ESR1: variants seen among roughly 807,000 people sequenced by gnomAD.
The protein encoded by ESR1 is estrogen receptor 1, also known as estrogen receptor.
ESR1 carries 12 observed loss-of-function variants against 52.7 expected under a neutral mutation model. That is an observed-to-expected ratio of 0.23 (90% CI 0.15 to 0.37). ESR1 has a LOEUF of 0.37. ESR1 is among the 10% of genes least tolerant of loss of function. ESR1 has a pLI of 1.00. For missense variants in ESR1, 584 were observed against 779.7 expected, an observed-to-expected ratio of 0.75 and a Z score of 2.99; for synonymous variants, 305 against 316.8, an observed-to-expected ratio of 0.96 and a Z score of 0.39.
chr6:152,028,956 G>A (rs561135943), intron 5 of ESR1, among the ~76,000 whole-genome samples: 1 of 152,278 alleles, frequency 6.6e-6, no homozygotes, highest in African/African-American at 2.4e-5. Context: ...CCAGAGGAAC[G>A]ATCAGGCAGC....
At chr6:152,069,299 C>T (rs1468804824) in intron 6 of ESR1, among the ~76,000 whole-genome samples, 2 of 136,516 alleles carry the variant, frequency 1.5e-5, no homozygotes, top group Non-Finnish European at 3.0e-5. Context: ...TATAGAAACT[C>T]CATTCTTGCA....
intron 3 of ESR1, among the ~76,000 whole-genome samples, chr6:151,931,011 G>T (rs2033518113): frequency 6.6e-6 from 1 of 151,908 alleles, no homozygotes; most frequent in Non-Finnish European, 1.5e-5. Flanking sequence ...GGTGTTGTTT[G>T]TTTTGTTTTT....
intron 5 of ESR1, among the ~76,000 whole-genome samples, chr6:152,060,425 C>T (rs1052095474): frequency 3.9e-5 from 6 of 152,108 alleles, no homozygotes; most frequent in Non-Finnish European, 7.4e-5. Context: ...TATCTTAAAG[C>T]GTCCACTCGA....
At chr6:152,044,147 G>T (rs1226320056) in intron 5 of ESR1, among the ~76,000 whole-genome samples, 1 of 152,132 alleles carries the variant, frequency 6.6e-6, no homozygotes, top group Non-Finnish European at 1.5e-5. Context: ...TAGGTATAAA[G>T]TCACTAAACT....
chr6:151,778,884 T>C (rs1049639984), intron 2 of ESR1, among the ~76,000 whole-genome samples: 1 of 152,212 alleles, frequency 6.6e-6, no homozygotes, highest in Admixed American at 6.5e-5. Flanking sequence ...TAAGCACCTT[T>C]GGTCTTGTTT....
intron 2 of ESR1, among the ~76,000 whole-genome samples, chr6:151,704,948 T>G (rs1252426602): frequency 3.3e-5 from 5 of 150,346 alleles, no homozygotes; most frequent in African/African-American, 7.3e-5. Flanking sequence ...TCCTGAAGTT[T>G]CCTTCAGAAA....
chr6:151,787,240 T>C (rs1021416432), intron 2 of ESR1, among the ~76,000 whole-genome samples: 13 of 152,224 alleles, frequency 8.5e-5, no homozygotes, highest in African/African-American at 3.1e-4. Context: ...GTTTTGGTTA[T>C]TGTAGCCCTG....
chr6:151,818,905 G>T (rs907684849), intron 1 of ESR1, among the ~76,000 whole-genome samples: 1 of 151,852 alleles, frequency 6.6e-6, no homozygotes, highest in Non-Finnish European at 1.5e-5. Context: ...TTCTTCCTCT[G>T]CATAAAAGAC....
At chr6:151,987,025 T>TA (rs2040553372) in intron 4 of ESR1, among the ~76,000 whole-genome samples, 1 of 152,078 alleles carries the variant, frequency 6.6e-6, no homozygotes, top group Non-Finnish European at 1.5e-5. Context: ...CAATCTCCTC[T>TA]ACAGGGAAGG....
At chr6:151,889,772 T>C (rs1794428702) in intron 3 of ESR1, among the ~76,000 whole-genome samples, 1 of 152,186 alleles carries the variant, frequency 6.6e-6, no homozygotes, top group Non-Finnish European at 1.5e-5. Context: ...TCTTCTTTGA[T>C]GAAGACATTT....
At chr6:152,079,460 A>G (rs9479205) in intron 6 of ESR1, among the ~76,000 whole-genome samples, 32,086 of 152,092 alleles carry the variant, frequency 0.21, 4,777 homozygotes, top group African/African-American at 0.41. Context: ...CAAAAAGGAC[A>G]TCCACACCAA....
intron 2 of ESR1, among the ~76,000 whole-genome samples, chr6:151,853,169 C>CAAAAAAAAAAAAAAAAAAA (rs386408969): frequency 4.4e-4 from 19 of 42,890 alleles, no homozygotes; most frequent in Non-Finnish European, 5.5e-4. Context: ...AGACTCGTCT[C>CAAAAAAAAAAAAAAAAAAA]AAAAAAAAAA....
exon 7 of ESR1, chr6:152,128,889 G>C (rs2054452207): frequency 6.6e-6 from 1 of 152,200 alleles, no homozygotes. Context: ...CAGAGGTACC[G>C]ACGGTAACGA....
chr6:151,932,657 C>G (rs2033818796), intron 3 of ESR1, among the ~76,000 whole-genome samples: 1 of 148,572 alleles, frequency 6.7e-6, no homozygotes, highest in East Asian at 2.0e-4. Context: ...GATCCAGTTT[C>G]AGCTTTCTAC....
intron 1 of ESR1, among the ~76,000 whole-genome samples, chr6:151,671,682 A>T (rs1778066282): frequency 6.6e-6 from 1 of 152,178 alleles, no homozygotes; most frequent in African/African-American, 2.4e-5. Context: ...AGTAGAACTT[A>T]AAAGTTCTTT....
intron 6 of ESR1, among the ~76,000 whole-genome samples, chr6:152,083,062 C>T (rs1205256524): frequency 3.3e-5 from 5 of 152,066 alleles, no homozygotes; most frequent in African/African-American, 1.2e-4. Flanking sequence ...AGATTCAGTG[C>T]TATCCCCATC....
At chr6:152,111,669 A>T (rs1292701981) in intron 6 of ESR1, among the ~76,000 whole-genome samples, 1 of 152,214 alleles carries the variant, frequency 6.6e-6, no homozygotes, top group East Asian at 1.9e-4. Context: ...TTCAATACCC[A>T]GGGCCCCAGA....
chr6:151,740,421 C>T (rs1783010401), intron 2 of ESR1, among the ~76,000 whole-genome samples: 2 of 150,874 alleles, frequency 1.3e-5, no homozygotes, highest in East Asian at 3.9e-4. Context: ...CAGGCGTGAG[C>T]CACCACACCT....
chr6:151,886,806 C>T (rs1324132357), intron 3 of ESR1, among the ~76,000 whole-genome samples: 4 of 151,860 alleles, frequency 2.6e-5, no homozygotes, highest in Admixed American at 6.6e-5. Context: ...TTTGGGAGGC[C>T]GAGGCGGGTG....
Sources: allele counts gnomAD v4.1 joint callset (sites outside exome capture counted in the v4.1 genomes callset), GRCh38; gene constraint gnomAD v4.1.1; transcripts MANE v1.5; gene names NCBI Gene and HGNC (gene_info 2026-07-23, HGNC 2026-07-21).